The following FAM107B variants were observed in gnomAD, a reference collection of about 807,000 sequenced individuals.
The protein encoded by FAM107B is family with sequence similarity 107 member B.
In FAM107B, 21 loss-of-function variants were observed where a neutral mutation model predicts 31.5. The observed-to-expected ratio is 0.67, with a 90% CI of 0.47 to 0.96. The LOEUF is 0.96. Among genes scored for constraint, FAM107B ranks in the 40% least tolerant of loss-of-function variants. The pLI is 0.00. For missense variants in FAM107B, 452 were observed against 377.1 expected (o/e 1.20, Z -1.64); for synonymous variants, 157 against 141.5 (o/e 1.11, Z -0.78).
chr10:14,661,335 G>A (rs1426104446), intron 2 of FAM107B, among the ~76,000 whole-genome samples: 2 of 152,232 alleles, frequency 1.3e-5, no homozygotes, highest in Admixed American at 6.5e-5. Context: ...GTCCAAGACA[G>A]TGTGTCCAGA....
At chr10:14,678,269 T>TGATG (rs1440687050) in intron 1 of FAM107B, among the ~76,000 whole-genome samples, 1 of 152,206 alleles carries the variant, frequency 6.6e-6, no homozygotes, top group East Asian at 1.9e-4. Context: ...CCTTTGCACC[T>TGATG]CCCAGAGTGG....
intron 1 of FAM107B, among the ~76,000 whole-genome samples, chr10:14,737,281 G>A (rs751487909): frequency 2.8e-4 from 42 of 151,960 alleles, no homozygotes; most frequent in Non-Finnish European, 4.0e-4. Context: ...AGAAAGAGAG[G>A]AGTGGAGAGG....
intron 2 of FAM107B, among the ~76,000 whole-genome samples, chr10:14,568,048 T>C (rs1024526372): frequency 7.9e-5 from 12 of 152,282 alleles, no homozygotes; most frequent in South Asian, 4.1e-4. Context: ...CTGCAGCAGA[T>C]GACTGTGAGC....
chr10:14,649,364 C>T (rs192074289), intron 2 of FAM107B, among the ~76,000 whole-genome samples: 38 of 152,306 alleles, frequency 2.5e-4, no homozygotes, highest in Non-Finnish European at 5.1e-4. Flanking sequence ...ATAGAGAATT[C>T]CCTTTCCTTT....
chr10:14,584,883 A>T (rs1255809387), intron 2 of FAM107B, among the ~76,000 whole-genome samples: 1 of 152,230 alleles, frequency 6.6e-6, no homozygotes, highest in Non-Finnish European at 1.5e-5. Flanking sequence ...CTTCATTTGC[A>T]CAGGAGTATA....
intron 1 of FAM107B, among the ~76,000 whole-genome samples, chr10:14,727,475 C>G (rs1228720967): frequency 1.3e-5 from 2 of 152,186 alleles, no homozygotes; most frequent in African/African-American, 4.8e-5. Context: ...TCTTCTAGAG[C>G]CAAGGAAGAG....
chr10:14,746,220 G>A (rs1041962333), intron 1 of FAM107B, among the ~76,000 whole-genome samples: 6 of 152,128 alleles, frequency 3.9e-5, no homozygotes, highest in African/African-American at 1.4e-4. Context: ...TCTTGAATCA[G>A]CACACCAATG....
At chr10:14,731,916 A>C (rs1204123146) in intron 1 of FAM107B, among the ~76,000 whole-genome samples, 1 of 152,166 alleles carries the variant, frequency 6.6e-6, no homozygotes, top group South Asian at 2.1e-4. Flanking sequence ...CTAACGATGC[A>C]TTTCTTAGAA....
chr10:14,637,891 C>T (rs1219608859), intron 2 of FAM107B, among the ~76,000 whole-genome samples: 1 of 152,154 alleles, frequency 6.6e-6, no homozygotes, highest in East Asian at 1.9e-4. Context: ...AGAGTGGATT[C>T]CTCTCCAGTG....
At chr10:14,578,228 G>C (rs533872799) in intron 2 of FAM107B, among the ~76,000 whole-genome samples, 2,673 of 152,230 alleles carry the variant, frequency 0.018, 82 homozygotes, top group African/African-American at 0.061. Flanking sequence ...GTTCCCTGAG[G>C]GCGAATATCC....
chr10:14,567,537 T>TGGTG (rs1850781258), intron 2 of FAM107B, among the ~76,000 whole-genome samples: 1 of 152,102 alleles, frequency 6.6e-6, no homozygotes, highest in African/African-American at 2.4e-5. Flanking sequence ...ATCAGGATCA[T>TGGTG]AGAGAGGCAA....
At chr10:14,548,190 G>A (rs1848889036) in intron 2 of FAM107B, among the ~76,000 whole-genome samples, 1 of 152,192 alleles carries the variant, frequency 6.6e-6, no homozygotes, top group Non-Finnish European at 1.5e-5. Context: ...CACAGGGTGG[G>A]CCTGAAGATC....
At chr10:14,706,820 C>T (rs1855531233) in intron 1 of FAM107B, among the ~76,000 whole-genome samples, 1 of 152,250 alleles carries the variant, frequency 6.6e-6, no homozygotes, top group Admixed American at 6.5e-5. Context: ...GGATGATGCA[C>T]CCAACTATAC....
chr10:14,768,793 C>T (rs377500315), intron 1 of FAM107B, among the ~76,000 whole-genome samples: 15 of 152,310 alleles, frequency 9.8e-5, no homozygotes, highest in East Asian at 9.6e-4. Context: ...GGGGAGAATA[C>T]GTGGCTCAGT....
intron 1 of FAM107B, among the ~76,000 whole-genome samples, chr10:14,678,184 C>T (rs1002779402): frequency 2.0e-5 from 3 of 152,200 alleles, no homozygotes; most frequent in African/African-American, 7.2e-5. Context: ...AAATTTCCTC[C>T]TCTGGAGATG....
At chr10:14,591,191 G>C (rs897234768) in intron 2 of FAM107B, among the ~76,000 whole-genome samples, 1 of 152,098 alleles carries the variant, frequency 6.6e-6, no homozygotes, top group African/African-American at 2.4e-5. Flanking sequence ...TCTCTATCAT[G>C]GTCTGCACCA....
At chr10:14,555,974 A>C (rs1849665545) in intron 2 of FAM107B, 1 of 152,254 alleles carries the variant, frequency 6.6e-6, no homozygotes, top group African/African-American at 2.4e-5. Flanking sequence ...AAATCCACAC[A>C]CCCCACCCCC....
chr10:14,661,482 T>G (rs958131258), intron 2 of FAM107B: 7 of 152,280 alleles, frequency 4.6e-5, no homozygotes, highest in African/African-American at 1.7e-4. Flanking sequence ...CTTCTTTCTG[T>G]GTGACTGATT....
intron 1 of FAM107B, among the ~76,000 whole-genome samples, chr10:14,747,467 A>T (rs116817898): frequency 0.016 from 2,438 of 151,878 alleles, 56 homozygotes; most frequent in African/African-American, 0.05. Flanking sequence ...TTTTGGATGG[A>T]GTTTTGTAAG....
Sources: gnomAD v4.1 joint callset for allele counts (sites outside exome capture counted in the v4.1 genomes callset) on GRCh38, gnomAD v4.1.1 for gene constraint, MANE v1.5 for transcripts, NCBI Gene and HGNC (gene_info 2026-07-23, HGNC 2026-07-21) for gene names.